The following EIF4G3 variants were observed in gnomAD, a reference collection of about 807,000 sequenced individuals.
EIF4G3 encodes the protein eIF-4-gamma 3.
A neutral mutation model predicts 186.4 loss-of-function variants in EIF4G3; 34 were observed. The ratio of observed to expected loss-of-function variants is 0.18; its 90% CI spans 0.14 to 0.24. The LOEUF (loss-of-function observed/expected upper bound fraction) is 0.24, where lower values mean the gene tolerates loss of function less well. Among genes scored for constraint, EIF4G3 ranks in the 10% least tolerant of loss-of-function variants. The pLI is 1.00. For synonymous variants in EIF4G3, 673 were observed against 679.5 expected (o/e 0.99, Z 0.15); for missense variants, 1,536 against 1,948.5 (o/e 0.79, Z 3.99).
intron 2 of EIF4G3, among the ~76,000 whole-genome samples, chr1:21,141,116 G>A (rs145353891): frequency 3.3e-5 from 5 of 152,102 alleles, no homozygotes; most frequent in Admixed American, 2.6e-4. Context: ...AAAAATCCTA[G>A]GAACAATTAT....
At chr1:21,101,247 A>G (rs1202551849) in intron 2 of EIF4G3, among the ~76,000 whole-genome samples, 3 of 152,028 alleles carry the variant, frequency 2.0e-5, no homozygotes, top group Non-Finnish European at 4.4e-5. Context: ...CAAGAATTTC[A>G]TCTTAATTTA....
intron 2 of EIF4G3, among the ~76,000 whole-genome samples, chr1:21,142,287 C>G (rs1224793681): frequency 6.6e-6 from 1 of 151,600 alleles, no homozygotes; most frequent in African/African-American, 2.4e-5. Flanking sequence ...ACTGCTTGAG[C>G]CCAGGAGTTT....
chr1:21,079,506 GA>G (rs35855765), intron 3 of EIF4G3, among the ~76,000 whole-genome samples: 1,776 of 100,626 alleles, frequency 0.018, 29 homozygotes, highest in African/African-American at 0.062. Flanking sequence ...TGTCTCTACA[GA>G]AAAAAAAAAA....
chr1:20,914,375 T>C (rs1263337042), intron 14 of EIF4G3, among the ~76,000 whole-genome samples: 2 of 151,418 alleles, frequency 1.3e-5, no homozygotes, highest in East Asian at 1.9e-4. Flanking sequence ...AAGAGGGAGG[T>C]AGGAGAAACA....
chr1:20,888,153 A>G (rs980184281), intron 18 of EIF4G3, among the ~76,000 whole-genome samples: 1 of 152,176 alleles, frequency 6.6e-6, no homozygotes, highest in Non-Finnish European at 1.5e-5. Flanking sequence ...TTGAGATTTG[A>G]ATCTGGAAAA....
chr1:20,888,744 C>T (rs1351588384), intron 18 of EIF4G3, among the ~76,000 whole-genome samples: 1 of 152,090 alleles, frequency 6.6e-6, no homozygotes, highest in East Asian at 1.9e-4. Flanking sequence ...ATATTATCAT[C>T]AACACCAAAG....
chr1:21,027,427 G>A (rs916613856), intron 4 of EIF4G3, among the ~76,000 whole-genome samples: 2 of 151,774 alleles, frequency 1.3e-5, no homozygotes, highest in African/African-American at 2.4e-5. Context: ...TCAGGAGTTC[G>A]AGACCATCCT....
intron 18 of EIF4G3, among the ~76,000 whole-genome samples, chr1:20,890,513 G>C (rs2085646586): frequency 6.6e-6 from 1 of 152,086 alleles, no homozygotes; most frequent in Non-Finnish European, 1.5e-5. Context: ...TACAATCTTG[G>C]CTCACTGCAG....
chr1:20,981,228 C>A lies in EIF4G3; in HGVS notation c.199-1G>T. 2.5e-6 allele frequency: 4 copies of A among 1,569,878 alleles called. No individual in the cohort carries two copies. The highest frequency in any genetic ancestry group is 1.9e-5 in the Admixed American group (1 of 52,354). The stretch of plus-strand genomic sequence containing the variant: ...GCTGTATTTGAGGCCTCTGGAAAAA[C>A]TGGGAAGGGGAGAAAAAAAAAATTT... On this transcript the variant is annotated splice_acceptor_variant, in intron 8 of 36. Transcript: ENST00000602326. LOFTEE classifies it high-confidence loss of function.
chr1:21,014,570 G>T (rs1331847150), intron 4 of EIF4G3, among the ~76,000 whole-genome samples: 1 of 150,066 alleles, frequency 6.7e-6, no homozygotes, highest in Non-Finnish European at 1.5e-5. Context: ...ACAAGATGCA[G>T]TATTTCGTTT....
At chr1:21,100,322 T>C (rs747436683) in intron 2 of EIF4G3, among the ~76,000 whole-genome samples, 1 of 152,196 alleles carries the variant, frequency 6.6e-6, no homozygotes, top group Non-Finnish European at 1.5e-5. Context: ...TATAATTTAA[T>C]ACAGTTAACT....
Position 20,810,725 on chromosome 1 carries a change from G to A in EIF4G3, c.4744+13C>T. ...TCATTGGTTAGATTAACTGTAACAT[G>A]AGATAAACTTACTGGCAGGTTGATC... On this transcript the variant is annotated intron_variant, in intron 36 of 36. Coordinates refer to ENST00000602326, the MANE Select transcript of EIF4G3 (RefSeq NM_001391906.1). The surrounding 1 kb of genome is among the most constrained non-coding windows in gnomAD (Gnocchi z 4.1). 1 of 1,612,474 alleles carries A rather than the reference G, an allele frequency of 6.2e-7. No individual in the cohort carries two copies.
Position 20,941,853 on chromosome 1 carries a change from T to A in EIF4G3, c.1301A>T (p.Gln434Leu). ...TTCAAGAGTCAATGGCAATACTTCC[T>A]GTTTTACTATTTCCACAATGCTCTC... ...ATESIVEIVK[Q>L]EVLPLTLELE... is the part of the protein sequence containing the mutation. Residue 434 changes from glutamine (Q) to leucine (L), a missense_variant, in exon 14 of 37, where the codon CAG becomes CTG. Physicochemically the swap from Gln to Leu is moderately radical, Grantham distance 113. This residue lies in a region of EIF4G3 where 560 missense variants were observed against 547.8 expected (regional missense o/e 1.02). Transcript: ENST00000602326. 6.2e-7 allele frequency: 1 copy of A among 1,614,210 alleles called. No individual in the cohort carries two copies. The highest frequency in any genetic ancestry group is 8.5e-7 in the Non-Finnish European group (1 of 1,180,022).
chr1:20,809,434 GCTCT>G (rs781569475), intron 36 of EIF4G3, among the ~76,000 whole-genome samples: 21 of 152,268 alleles, frequency 1.4e-4, no homozygotes, highest in Middle Eastern at 3.4e-3. Context: ...CTACTTGAGT[GCTCT>G]CTCTAATAGC....
At chr1:20,957,423 A>G (rs2096458260) in intron 12 of EIF4G3, among the ~76,000 whole-genome samples, 1 of 152,142 alleles carries the variant, frequency 6.6e-6, no homozygotes, top group African/African-American at 2.4e-5. Context: ...CTAAATGTCT[A>G]CATCAAAAAG....
intron 29 of EIF4G3, chr1:20,841,245 AT>A (rs2068483182): frequency 5.4e-6 from 2 of 368,870 alleles, no homozygotes; most frequent in African/African-American, 2.1e-5. Context: ...AAAAAAGAGC[AT>A]TACAGCCCTT....
intron 10 of EIF4G3, among the ~76,000 whole-genome samples, chr1:20,977,264 G>A (rs1348221557): frequency 1.3e-5 from 2 of 151,838 alleles, no homozygotes; most frequent in African/African-American, 2.4e-5. Context: ...TCTGCCCACT[G>A]CAACCTCCGC....
At chr1:21,040,993 T>A (rs1244912805) in intron 4 of EIF4G3, among the ~76,000 whole-genome samples, 3 of 152,114 alleles carry the variant, frequency 2.0e-5, no homozygotes, top group Non-Finnish European at 4.4e-5. Context: ...GTCTATAAAT[T>A]TGTTCTGATC....
chr1:20,953,254 A>G (rs2096287397), intron 12 of EIF4G3, among the ~76,000 whole-genome samples: 1 of 152,178 alleles, frequency 6.6e-6, no homozygotes, highest in African/African-American at 2.4e-5. Flanking sequence ...CAGCTCATCA[A>G]TTATGTAAAT....
Sources: gnomAD v4.1 joint callset for allele counts (sites outside exome capture counted in the v4.1 genomes callset) on GRCh38, gnomAD v4.1.1 for gene constraint, gnomAD v4.1.1 regional missense constraint, Gnocchi (gnomAD v3.1) non-coding constraint, MANE v1.5 for transcripts, NCBI Gene and HGNC (gene_info 2026-07-23, HGNC 2026-07-21) for gene names.